The following ZBTB47 variants were observed in gnomAD, a reference collection of about 807,000 sequenced individuals.
ZBTB47 encodes zinc finger and BTB domain containing 47, also known as zinc finger and BTB domain-containing protein 47.
A neutral mutation model predicts 56.6 loss-of-function variants in ZBTB47; 24 were observed. That is an observed-to-expected ratio of 0.42 (90% CI 0.31 to 0.60). The LOEUF (loss-of-function observed/expected upper bound fraction) is 0.60, where lower values mean the gene tolerates loss of function less well. Ranked by LOEUF, ZBTB47 falls within the 20% of genes least tolerant of loss-of-function variation. The probability of loss-of-function intolerance (pLI) is 0.14; values close to 1 mark genes in which losing one functional copy is unlikely to be tolerated. For synonymous variants in ZBTB47, 414 were observed against 418.9 expected, an observed-to-expected ratio of 0.99 and a Z score of 0.14; for missense variants, 829 against 1,032.6, an observed-to-expected ratio of 0.80 and a Z score of 2.70.
At position 42,656,564 on chromosome 3, in the gene ZBTB47, G is replaced by A. The variant is rs1415428169; in HGVS notation, c.-81-1711G>A. On this transcript the variant is annotated intron_variant, in intron 1 of 5. Coordinates refer to ENST00000232974, the MANE Select transcript of ZBTB47 (RefSeq NM_145166.4). The surrounding 1 kb of genome is among the most constrained non-coding windows in gnomAD (Gnocchi z 5.8). ...TGGCTTCTTGGCTGGGGTAAGGGGT[G>A]TAGTGGAGAACTCAAGGAAGATGGT... Among the ~76,000 whole-genome samples the A allele has an allele frequency of 6.6e-6, 1 of 152,144 alleles. No homozygotes were observed. Among genetic ancestry groups the A allele is most frequent in the Non-Finnish European group, 1.5e-5 (1 of 68,010 alleles).
In ZBTB47 at chr3:42,658,997, A is replaced by G; in HGVS notation, c.642A>G (p.Glu214=). Residue 214 remains glutamate (E), a synonymous_variant, in exon 2 of 6, where the codon GAA becomes GAG. Coordinates refer to ENST00000232974, the MANE Select transcript of ZBTB47 (RefSeq NM_145166.4). ...GCTTGTGCAAGCTGGAGGGTGGAGAAGAGTTGGAGGAAGAGCTTGGGGGTT... is the reference window on the plus strand; with the variant it reads ...GCTTGTGCAAGCTGGAGGGTGGAGAGGAGTTGGAGGAAGAGCTTGGGGGTT... ...PASLCKLEGG[E]ELEEELGGSG... 1.3e-6 allele frequency: 2 copies of G among 1,528,480 alleles called. No individual in the cohort carries two copies. The highest frequency in any genetic ancestry group is 1.7e-6 in the Non-Finnish European group (2 of 1,143,244). The allele number at this position is 1,528,480 out of a possible 1,614,324, so 94.7% of individuals were successfully genotyped here. A position where few individuals can be genotyped will look rare whatever the true frequency, so the allele number is the denominator to read the frequency against.
At position 42,665,992 on chromosome 3, in the gene ZBTB47, C is replaced by T. The variant is rs749101794; in HGVS notation, c.*1394C>T. On this transcript the variant is annotated 3_prime_UTR_variant, in exon 6 of 6. Transcript: ENST00000232974. ...TGCACCTTAAACCCCCACCACTCCC[C>T]GACACTATTGCCTTCCCAGCATGGC... The T allele has an allele frequency of 1.3e-5, 2 of 152,740 alleles. No individual in the cohort carries two copies. The highest frequency in any genetic ancestry group is 4.8e-5 in the African/African-American group (2 of 41,446). The allele number at this position is 152,740 out of a possible 1,614,324, so 9.5% of individuals were successfully genotyped here.
At chr3:42,653,002 C>T (rs2125834653), upstream of ZBTB47, among the ~76,000 whole-genome samples, 1 of 152,340 alleles carries the variant, frequency 6.6e-6, no homozygotes, top group East Asian at 1.9e-4. Context: ...AACCTGGGGC[C>T]TCTGGGAGCT....
chr3:42,655,774 C>G (rs927590657), intron 1 of ZBTB47, among the ~76,000 whole-genome samples: 1 of 152,228 alleles, frequency 6.6e-6, no homozygotes, highest in African/African-American at 2.4e-5. Context: ...TGTGCCCAGT[C>G]AAGAGAGTCC....
Position 42,665,840 on chromosome 3 carries a change from C to G in ZBTB47, c.*1242C>G, listed in dbSNP as rs534147134. On this transcript the variant is annotated 3_prime_UTR_variant, in exon 6 of 6. Transcript: ENST00000232974. ...CATGAGGCTAGCACTAATAGGAAAC[C>G]CTTTTTTGTTGTCATTTAATGTCTT... 1 of 152,800 alleles carries G rather than the reference C, an allele frequency of 6.5e-6. No homozygotes were observed. Among genetic ancestry groups the G allele is most frequent in the South Asian group, 2.1e-4 (1 of 4,830 alleles). 9.5% of individuals were successfully genotyped at this position (152,800 alleles called of 1,614,324 possible). A position where few individuals can be genotyped will look rare whatever the true frequency, so the allele number is the denominator to read the frequency against.
chr3:42,664,504 C>T lies in ZBTB47; in HGVS notation c.2150C>T (p.Pro717Leu). The T allele has an allele frequency of 6.9e-7, 1 of 1,455,894 alleles. No homozygotes were observed. The highest frequency in any genetic ancestry group is 9.0e-7 in the Non-Finnish European group (1 of 1,111,244). 90.2% of individuals were successfully genotyped at this position (1,455,894 alleles called of 1,614,324 possible). A position where few individuals can be genotyped will look rare whatever the true frequency, so the allele number is the denominator to read the frequency against. The change falls in exon 6 of 6, where the codon CCC becomes CTC. Residue 717 changes from proline (P) to leucine (L), a missense_variant. Transcript: ENST00000232974. ...AHALPLLPGL[P>L]QTLPPPPHLP... Reference sequence around the variant, plus strand: ...GCACTGCCCCTGCTCCCGGGGCTGCCCCAGACCCTGCCGCCCCCGCCCCAC... The same window carrying T: ...GCACTGCCCCTGCTCCCGGGGCTGCTCCAGACCCTGCCGCCCCCGCCCCAC...
intron 3 of ZBTB47, 68 bp downstream of exon 3, chr3:42,661,700 G>A: frequency 6.3e-7 from 1 of 1,584,220 alleles, no homozygotes; most frequent in Non-Finnish European, 8.6e-7. Flanking sequence ...TGGTGGATGG[G>A]AAAGACTTCA....
chr3:42,659,245 G>A lies in ZBTB47; in HGVS notation c.890G>A (p.Gly297Asp). The change falls in exon 2 of 6, where the codon GGC becomes GAC. Residue 297 changes from glycine to aspartate, a missense_variant. Physicochemically the swap from Gly to Asp is moderately conservative, Grantham distance 94. Coordinates refer to ENST00000232974, the MANE Select transcript of ZBTB47 (RefSeq NM_145166.4). ...GAAGAAGAGGAAGAGGAAGGTGGTG[G>A]CAGTGGACGGGAGGAGGAGGAGGAG... Reference protein sequence around the residue: ...EEEEEEEEGGGSGREEEEEEE... With the variant: ...EEEEEEEEGGDSGREEEEEEE... The A allele has an allele frequency of 6.5e-7, 1 of 1,529,634 alleles. No homozygotes were observed. The highest frequency in any genetic ancestry group is 8.8e-7 in the Non-Finnish European group (1 of 1,142,560). 94.8% of individuals were successfully genotyped at this position (1,529,634 alleles called of 1,614,324 possible). A position where few individuals can be genotyped will look rare whatever the true frequency, so the allele number is the denominator to read the frequency against.
At chr3:42,655,827 G>T (rs1043232164) in intron 1 of ZBTB47, among the ~76,000 whole-genome samples, 1 of 152,262 alleles carries the variant, frequency 6.6e-6, no homozygotes, top group Non-Finnish European at 1.5e-5. Context: ...GCCAAGGATG[G>T]TGCTGCCTTG....
At position 42,663,809 on chromosome 3, in the gene ZBTB47, C is replaced by A; in HGVS notation, c.1750C>A (p.Arg584Ser). The part of the protein sequence containing the change: ...KPFRCENCNE[R>S]FQYKYQLRSH... ...ACCCCACCCCCAGAACTGCAATGAG[C>A]GCTTCCAGTACAAGTACCAGCTGCG... Residue 584 changes from arginine to serine, a missense_variant, in exon 5 of 6, where the codon CGC (arginine) becomes AGC (serine). Arg to Ser is a moderately radical substitution (Grantham distance 110, BLOSUM62 -1). Transcript: ENST00000232974. This position sits in a 1 kb window ranked among gnomAD's most constrained non-coding sequence, Gnocchi z 5.1. 1 of 1,613,340 alleles carries A rather than the reference C, an allele frequency of 6.2e-7. No homozygotes were observed. The highest frequency in any genetic ancestry group is 2.2e-5 in the East Asian group (1 of 44,792).
In ZBTB47 at chr3:42,659,273, A is replaced by G; in HGVS notation, c.918A>G (p.Glu306=). The G allele has an allele frequency of 6.7e-7, 1 of 1,493,768 alleles. No individual in the cohort carries two copies. The highest frequency in any genetic ancestry group is 9.0e-7 in the Non-Finnish European group (1 of 1,110,424). 92.5% of individuals were successfully genotyped at this position (1,493,768 alleles called of 1,614,324 possible). ...GGSGREEEEE[E]EGGSQGEEEE... is the part of the protein sequence containing the mutation. Reference sequence around the variant, plus strand: ...GTGGACGGGAGGAGGAGGAGGAGGAAGAGGGTGGCAGTCAGGGAGAAGAGG... The same window carrying G: ...GTGGACGGGAGGAGGAGGAGGAGGAGGAGGGTGGCAGTCAGGGAGAAGAGG... The change falls in exon 2 of 6, where the codon GAA becomes GAG. Residue 306 remains glutamate (E), a synonymous_variant. Transcript: ENST00000232974.
In ZBTB47 at chr3:42,663,987, C is replaced by G. The variant is rs910452360; in HGVS notation, c.1882+46C>G. On this transcript the variant is annotated intron_variant, in intron 5 of 5. Transcript: ENST00000232974. This position sits in a 1 kb window ranked among gnomAD's most constrained non-coding sequence, Gnocchi z 5.1. The stretch of plus-strand genomic sequence containing the variant: ...GGAGCTCGGTGCCGGGCCTGGGACC[C>G]CTTCTCAGCCCCGCTCAGGACACCT... 1 of 1,573,586 alleles carries G rather than the reference C, an allele frequency of 6.4e-7. No homozygotes were observed. Among genetic ancestry groups the G allele is most frequent in the Non-Finnish European group, 8.6e-7 (1 of 1,157,192 alleles).
In ZBTB47 at chr3:42,663,787, C is replaced by G; in HGVS notation, c.1738-10C>G. 6.2e-7 allele frequency: 1 copy of G among 1,613,266 alleles called. No individual in the cohort carries two copies. Among genetic ancestry groups the G allele is most frequent in the African/African-American group, 1.3e-5 (1 of 74,998 alleles). On this transcript the variant is annotated splice_polypyrimidine_tract_variant and intron_variant, in intron 4 of 5. Transcript: ENST00000232974. The surrounding 1 kb of genome is among the most constrained non-coding windows in gnomAD (Gnocchi z 5.1). ...TGTGCCTGGGCCTCACCCCCAAACC[C>G]CACCCCCAGAACTGCAATGAGCGCT...
At position 42,658,617 on chromosome 3, in the gene ZBTB47, G is replaced by A. The variant is rs1233488044; in HGVS notation, c.262G>A (p.Glu88Lys). 5.9e-6 allele frequency: 9 copies of A among 1,536,976 alleles called. No homozygotes were observed. Among genetic ancestry groups the A allele is most frequent in the Non-Finnish European group, 7.8e-6 (9 of 1,146,932 alleles). The change falls in exon 2 of 6, where the codon GAG becomes AAG. Residue 88 changes from glutamate to lysine, a missense_variant. Transcript: ENST00000232974. ...KLLVNAANVH[E>K]VLSAASLLQM... ...GCTGGTCAACGCGGCCAACGTCCAC[G>A]AGGTGCTCAGCGCCGCCTCATTGCT...
intron 3 of ZBTB47, 138 bp downstream of exon 3, chr3:42,661,770 T>A: frequency 1.6e-6 from 2 of 1,221,718 alleles, no homozygotes; most frequent in Non-Finnish European, 2.2e-6. Context: ...CCTGGGGAGG[T>A]TGGTTCCAGT....
At chr3:42,655,866 G>A (rs764890181) in intron 1 of ZBTB47, among the ~76,000 whole-genome samples, 41 of 152,242 alleles carry the variant, frequency 2.7e-4, no homozygotes, top group Non-Finnish European at 5.7e-4. Flanking sequence ...GCAATGGAGT[G>A]TTTGAGAAAG....
Position 42,664,373 on chromosome 3 carries a change from C to T in ZBTB47, c.2019C>T (p.Asn673=), listed in dbSNP as rs1429149184. The change falls in exon 6 of 6, where the codon AAC becomes AAT. Residue 673 remains asparagine, a synonymous_variant. Coordinates refer to ENST00000232974, the MANE Select transcript of ZBTB47 (RefSeq NM_145166.4). Reference sequence around the variant, plus strand: ...GTGGCCAGCGCTTCCGCTTCTCCAACATGCTCAAGGCCCACAAGGAGAAGT... The same window carrying T: ...GTGGCCAGCGCTTCCGCTTCTCCAATATGCTCAAGGCCCACAAGGAGAAGT... ...DVCGQRFRFS[N]MLKAHKEKCF... is the part of the protein sequence containing the mutation. The T allele has an allele frequency of 1.2e-6, 2 of 1,608,886 alleles. No individual in the cohort carries two copies. Among genetic ancestry groups the T allele is most frequent in the East Asian group, 4.5e-5 (2 of 44,678 alleles).
At chr3:42,661,732 G>A in intron 3 of ZBTB47, 100 bp downstream of exon 3, 1 of 1,478,072 alleles carries the variant, frequency 6.8e-7, no homozygotes, top group Non-Finnish European at 9.1e-7. Flanking sequence ...AATGTGAAGG[G>A]GTGAGGAGGC....
chr3:42,659,719 T>G lies in ZBTB47; in HGVS notation c.1364T>G (p.Met455Arg). The G allele has an allele frequency of 6.2e-7, 1 of 1,613,794 alleles. No individual in the cohort carries two copies. ...AACCGCTGGTACCTGGAGAAACACATGAATGTGACCCACAGCCGCATGCAG... is the reference window on the plus strand; with the variant it reads ...AACCGCTGGTACCTGGAGAAACACAGGAATGTGACCCACAGCCGCATGCAG... Reference protein sequence around the residue: ...FNNRWYLEKHMNVTHSRMQIC... With the variant: ...FNNRWYLEKHRNVTHSRMQIC... Residue 455 changes from methionine to arginine, a missense_variant, in exon 2 of 6, where the codon ATG (methionine) becomes AGG (arginine). Met to Arg is a moderately conservative substitution (Grantham distance 91). This residue lies in a region of ZBTB47 where 187 missense variants were observed against 253.1 expected (regional missense o/e 0.74). Coordinates refer to ENST00000232974, the MANE Select transcript of ZBTB47 (RefSeq NM_145166.4).
Sources: allele counts gnomAD v4.1 joint callset (sites outside exome capture counted in the v4.1 genomes callset), GRCh38; gene constraint gnomAD v4.1.1; regional missense constraint gnomAD v4.1.1; non-coding constraint Gnocchi (gnomAD v3.1); transcripts MANE v1.5; gene names NCBI Gene and HGNC (gene_info 2026-07-23, HGNC 2026-07-21).